The following LY86 variants were observed in gnomAD, a reference collection of about 807,000 sequenced individuals.
LY86 encodes the protein lymphocyte antigen 86, also known as MD-1, RP105-associated.
In LY86, 20 loss-of-function variants were observed where a neutral mutation model predicts 17.3. The observed-to-expected ratio is 1.15, with a 90% CI of 0.81 to 1.68. LY86 has a LOEUF of 1.68. Among genes scored for constraint, LY86 ranks in the 40% most tolerant of loss-of-function variants. LY86 has a pLI of 0.00. For synonymous variants in LY86, 74 were observed against 70.6 expected, an observed-to-expected ratio of 1.05 and a Z score of -0.24; for missense variants, 200 against 191.9, an observed-to-expected ratio of 1.04 and a Z score of -0.25.
intron 3 of LY86, among the ~76,000 whole-genome samples, chr6:6,635,507 T>C (rs1231885214): frequency 1.3e-5 from 2 of 152,070 alleles, no homozygotes; most frequent in Non-Finnish European, 2.9e-5. Flanking sequence ...TGACCACAGG[T>C]AATTGAGACT....
chr6:6,627,154 TC>T lies in LY86; in HGVS notation c.352+737del, dbSNP rs572339053. ...AGGAGTGGTTCTCTCCCAGCTGCTC[TC>T]CCCTCCCAGGGTCTCCTTCCTACTC... On this transcript the variant is annotated intron_variant, in intron 3 of 4. Transcript: ENST00000230568. 3.9e-5 allele frequency among the ~76,000 whole-genome samples: 6 copies of T among 152,138 alleles called. No individual in the cohort carries two copies. In the South Asian group the frequency reaches 1.0e-3, roughly 26 times the overall value.
intron 1 of LY86, among the ~76,000 whole-genome samples, chr6:6,605,272 C>T (rs963407497): frequency 7.3e-5 from 7 of 95,776 alleles, no homozygotes; most frequent in Non-Finnish European, 1.5e-4. Context: ...ATTATCACCT[C>T]ACCTCACAGT....
chr6:6,647,334 G>A (rs1762120923), intron 3 of LY86, among the ~76,000 whole-genome samples: 14 of 151,964 alleles, frequency 9.2e-5, no homozygotes, highest in Admixed American at 9.2e-4. Context: ...CAACAAATAT[G>A]GTACAGTATC....
At chr6:6,627,055 C>G (rs76080998) in intron 3 of LY86, among the ~76,000 whole-genome samples, 2 of 152,116 alleles carry the variant, frequency 1.3e-5, no homozygotes, top group Non-Finnish European at 2.9e-5. Context: ...TCTTTACCCA[C>G]AGCTTCACCA....
At chr6:6,636,899 A>T (rs898612776) in intron 3 of LY86, among the ~76,000 whole-genome samples, 242 of 151,980 alleles carry the variant, frequency 1.6e-3, no homozygotes, top group Non-Finnish European at 2.9e-3. Context: ...CTGCAAAAAA[A>T]AAAAAAACAG....
At chr6:6,607,771 G>T (rs1313988860) in intron 1 of LY86, among the ~76,000 whole-genome samples, 1 of 151,784 alleles carries the variant, frequency 6.6e-6, no homozygotes, top group Non-Finnish European at 1.5e-5. Flanking sequence ...GTAGTGGCGG[G>T]TGCCTGTAAT....
intron 1 of LY86, among the ~76,000 whole-genome samples, chr6:6,602,871 A>G (rs1760956089): frequency 6.6e-6 from 1 of 152,200 alleles, no homozygotes; most frequent in Non-Finnish European, 1.5e-5. Context: ...GCAAAGAGTT[A>G]TAGGTGTTTA....
chr6:6,625,011 G>A lies in LY86; in HGVS notation c.222G>A (p.Leu74=). The change falls in exon 2 of 5, where the codon CTG becomes CTA. Residue 74 remains leucine (L), a splice_region_variant and synonymous_variant. Transcript: ENST00000230568. ...TCAACATTAGATTTGGAATTATTCT[G>A]AGTAAGTAAAAAAAATGATTAGCAT... is the stretch of plus-strand genomic sequence containing the variant. ...SNINIRFGII[L]REDIKELFLD... 2.2e-6 allele frequency: 3 copies of A among 1,393,810 alleles called. No individual in the cohort carries two copies. The highest frequency in any genetic ancestry group is 3.0e-6 in the Non-Finnish European group (3 of 994,680). The allele number at this position is 1,393,810 out of a possible 1,614,324, so 86.3% of individuals were successfully genotyped here.
At chr6:6,596,941 C>T (rs561793059) in intron 1 of LY86, among the ~76,000 whole-genome samples, 1 of 152,342 alleles carries the variant, frequency 6.6e-6, no homozygotes, top group South Asian at 2.1e-4. Context: ...GCCTCTTCTG[C>T]AGGCAGGAAA....
chr6:6,651,188 G>A (rs568297187), intron 4 of LY86, among the ~76,000 whole-genome samples: 1 of 152,294 alleles, frequency 6.6e-6, no homozygotes, highest in East Asian at 1.9e-4. Flanking sequence ...GCATGGGGGT[G>A]CAATTACAAA....
chr6:6,599,503 A>G (rs1044910351), intron 1 of LY86, among the ~76,000 whole-genome samples: 1 of 152,196 alleles, frequency 6.6e-6, no homozygotes, highest in Non-Finnish European at 1.5e-5. Context: ...GTGGTTCCTG[A>G]ATGTCAGCTT....
At chr6:6,631,776 C>T (rs541855824) in intron 3 of LY86, among the ~76,000 whole-genome samples, 1 of 152,278 alleles carries the variant, frequency 6.6e-6, no homozygotes, top group East Asian at 1.9e-4. Flanking sequence ...CCTTCCCTTG[C>T]AGAGATAATA....
chr6:6,641,780 C>T (rs1366642567), intron 3 of LY86, among the ~76,000 whole-genome samples: 1 of 151,880 alleles, frequency 6.6e-6, no homozygotes, highest in African/African-American at 2.4e-5. Context: ...TTTGGGGTAC[C>T]CCCAAGTAAA....
chr6:6,627,016 A>C (rs114671798), intron 3 of LY86, among the ~76,000 whole-genome samples: 8,920 of 151,754 alleles, frequency 0.059, 361 homozygotes, highest in African/African-American at 0.12. Flanking sequence ...ACCTTCCCCC[A>C]CCTGTCCCCA....
At chr6:6,632,198 G>A (rs1227065857) in intron 3 of LY86, among the ~76,000 whole-genome samples, 3 of 152,210 alleles carry the variant, frequency 2.0e-5, no homozygotes, top group African/African-American at 7.2e-5. Flanking sequence ...TGGGGCAAAA[G>A]GGACTTAACA....
At position 6,635,784 on chromosome 6, in the gene LY86, C is replaced by G. The variant is rs187921934; in HGVS notation, c.352+9363C>G. 1.6e-4 allele frequency among the ~76,000 whole-genome samples: 25 copies of G among 152,324 alleles called. 1 individual carries two copies. In the East Asian group the frequency reaches 4.8e-3, roughly 29 times the overall value. On this transcript the variant is annotated intron_variant, in intron 3 of 4. Transcript: ENST00000230568. ...ACTCATGTGCCTTGGCTCCTCTTCT[C>G]GTGGATGGATCTATAGAGCCATGGA...
intron 4 of LY86, 101 bp downstream of exon 4, chr6:6,649,778 G>A: frequency 3.9e-6 from 3 of 769,552 alleles, no homozygotes; most frequent in Non-Finnish European, 6.6e-6. Context: ...AAGAAGAGAA[G>A]GAAAGAATTA....
intron 3 of LY86, among the ~76,000 whole-genome samples, chr6:6,633,008 T>C (rs1204883790): frequency 6.6e-6 from 1 of 152,188 alleles, no homozygotes; most frequent in Non-Finnish European, 1.5e-5. Context: ...GTTCAACACA[T>C]GTTGATGTCC....
intron 3 of LY86, among the ~76,000 whole-genome samples, chr6:6,639,669 G>C (rs754946636): frequency 4.6e-5 from 7 of 151,966 alleles, no homozygotes; most frequent in Non-Finnish European, 1.0e-4. Context: ...CTCTTATAAG[G>C]ACCTCTGTGA....
Sources: gnomAD v4.1 joint callset for allele counts (sites outside exome capture counted in the v4.1 genomes callset) on GRCh38, gnomAD v4.1.1 for gene constraint, MANE v1.5 for transcripts, NCBI Gene and HGNC (gene_info 2026-07-23, HGNC 2026-07-21) for gene names.